ZNF782: variants seen among roughly 807,000 people sequenced by gnomAD.
ZNF782 encodes zinc finger protein 782.
Under a neutral mutation model 13.0 loss-of-function variants are expected in ZNF782, and 12 were observed. That is an observed-to-expected ratio of 0.92 (90% CI 0.59 to 1.50). The LOEUF is 1.50. ZNF782 is among the 40% of genes most tolerant of loss of function. The pLI, the probability that ZNF782 is intolerant of heterozygous loss-of-function variation, is 0.00. For missense variants in ZNF782, 770 were observed against 822.9 expected (o/e 0.94, Z 0.79); for synonymous variants, 284 against 283.0 (o/e 1.00, Z -0.04).
At chr9:96,879,899 A>T, upstream of ZNF782, among the ~76,000 whole-genome samples, 1 of 150,940 alleles carries the variant, frequency 6.6e-6, no homozygotes, top group East Asian at 2.0e-4. Context: ...ATTCCTTGGG[A>T]TTTTCTGTGT....
chr9:96,829,851 G>A (rs1481948412), intron 4 of ZNF782, among the ~76,000 whole-genome samples: 4 of 152,170 alleles, frequency 2.6e-5, no homozygotes, highest in African/African-American at 9.7e-5. Flanking sequence ...GAAATATGGA[G>A]TAGAGGTACT....
the ZNF782 span, among the ~76,000 whole-genome samples, chr9:96,923,878 T>C: frequency 1.3e-5 from 2 of 150,148 alleles, no homozygotes; most frequent in Non-Finnish European, 2.9e-5. Context: ...GTCTCGCTCC[T>C]GCCTTGAAGT....
intron 5 of ZNF782, among the ~76,000 whole-genome samples, chr9:96,823,330 T>C (rs540035001): frequency 1.3e-5 from 2 of 152,388 alleles, no homozygotes; most frequent in East Asian, 1.9e-4. Context: ...GGCTCTGGTA[T>C]GAAATCAAAG....
the ZNF782 span, among the ~76,000 whole-genome samples, chr9:96,886,394 T>C: frequency 1.3e-3 from 200 of 152,284 alleles, no homozygotes; most frequent in African/African-American, 4.6e-3. Flanking sequence ...TAAATGATAA[T>C]TGAGTGTTAA....
rs185767282 is a variant in ZNF782 at position 96,828,805 on chromosome 9, C to G, written c.143-1624G>C. On this transcript the variant is annotated intron_variant, in intron 4 of 5. Coordinates refer to ENST00000481138, the MANE Select transcript of ZNF782 (RefSeq NM_001001662.3). ...GCCAAAATTTCCTAATTTTAATGAC[C>G]TATATAAACCCTCAGATCCAAGAAG... Among the ~76,000 whole-genome samples, 171 of 151,896 alleles carry G rather than the reference C, an allele frequency of 1.1e-3. 1 individual carries two copies. The highest frequency in any genetic ancestry group is 5.7e-4 in the Non-Finnish European group (39 of 67,944).
intron 4 of ZNF782, among the ~76,000 whole-genome samples, chr9:96,843,857 G>C (rs1313862784): frequency 6.6e-6 from 1 of 152,094 alleles, no homozygotes; most frequent in African/African-American, 2.4e-5. Context: ...AGAAGCAAGA[G>C]ATGGCAAGAA....
At chr9:96,866,419 G>A (rs544979081) in intron 1 of ZNF782, among the ~76,000 whole-genome samples, 3 of 152,320 alleles carry the variant, frequency 2.0e-5, no homozygotes, top group Middle Eastern at 3.4e-3. Context: ...CAGGTGCACA[G>A]AAGTCAAGAA....
At chr9:96,849,691 C>T (rs12339149) in intron 3 of ZNF782, among the ~76,000 whole-genome samples, 3 of 152,114 alleles carry the variant, frequency 2.0e-5, no homozygotes, top group Non-Finnish European at 4.4e-5. Context: ...TAAAAAGCTT[C>T]TACACAGCAA....
chr9:96,922,493 C>T, the ZNF782 span, among the ~76,000 whole-genome samples: 3 of 152,292 alleles, frequency 2.0e-5, no homozygotes, highest in African/African-American at 7.2e-5. Flanking sequence ...CTAAAGAAGG[C>T]CAGGCACGGT....
At position 96,817,340 on chromosome 9, in the gene ZNF782, T is replaced by C. The variant is rs1423309675; in HGVS notation, c.*583A>G. On this transcript the variant is annotated 3_prime_UTR_variant, in exon 6 of 6. Coordinates refer to ENST00000481138, the MANE Select transcript of ZNF782 (RefSeq NM_001001662.3). ...TGATTACTAGTGAACATTTCAATAG[T>C]TATTATACGACATATAGGGATTACC... 6.6e-6 allele frequency: 1 copy of C among 152,254 alleles called. No homozygotes were observed. The highest frequency in any genetic ancestry group is 1.9e-4 in the East Asian group (1 of 5,196). The allele number at this position is 152,254 out of a possible 1,614,324, so 9.4% of individuals were successfully genotyped here. A position where few individuals can be genotyped will look rare whatever the true frequency, so the allele number is the denominator to read the frequency against.
chr9:96,834,854 T>C (rs1044563200), intron 4 of ZNF782, among the ~76,000 whole-genome samples: 8 of 150,308 alleles, frequency 5.3e-5, no homozygotes, highest in Non-Finnish European at 7.5e-5. Flanking sequence ...CTGGAAAAAT[T>C]TGGAGGGGCA....
the ZNF782 span, among the ~76,000 whole-genome samples, chr9:96,923,140 C>T: frequency 6.7e-6 from 1 of 148,194 alleles, no homozygotes; most frequent in Non-Finnish European, 1.5e-5. Flanking sequence ...GCACATAGCT[C>T]CACAAAACAT....
chr9:96,821,737 T>C (rs1337521450), intron 5 of ZNF782, among the ~76,000 whole-genome samples: 3 of 151,648 alleles, frequency 2.0e-5, no homozygotes, highest in African/African-American at 7.3e-5. Context: ...AGTGGTGCGA[T>C]CTCGGCTCAC....
the ZNF782 span, among the ~76,000 whole-genome samples, chr9:96,903,516 T>C: frequency 4.0e-5 from 6 of 150,752 alleles, no homozygotes; most frequent in Non-Finnish European, 4.4e-5. Flanking sequence ...ATACAAGTTT[T>C]CATGTGACCA....
intron 4 of ZNF782, among the ~76,000 whole-genome samples, chr9:96,842,030 A>G (rs914582856): frequency 9.9e-5 from 15 of 152,010 alleles, no homozygotes; most frequent in Admixed American, 9.2e-4. Context: ...ACATACAAAA[A>G]TCAATTACAT....
intron 4 of ZNF782, among the ~76,000 whole-genome samples, chr9:96,831,438 C>T (rs541627491): frequency 2.6e-5 from 4 of 152,028 alleles, no homozygotes; most frequent in Non-Finnish European, 5.9e-5. Context: ...GGCTGGGCGC[C>T]GTGGCTCACA....
chr9:96,884,058 C>T, the ZNF782 span, among the ~76,000 whole-genome samples: 749 of 152,348 alleles, frequency 4.9e-3, 6 homozygotes, highest in African/African-American at 0.017. Context: ...AAAAGCTGTA[C>T]TACCCTCTAC....
chr9:96,878,110 G>A (rs1339274634), upstream of ZNF782, among the ~76,000 whole-genome samples: 2 of 152,206 alleles, frequency 1.3e-5, no homozygotes, highest in Non-Finnish European at 2.9e-5. Flanking sequence ...GTGCAATGCT[G>A]CGATCTCAGC....
intron 1 of ZNF782, among the ~76,000 whole-genome samples, chr9:96,853,277 C>T (rs1851555683): frequency 6.6e-6 from 1 of 152,158 alleles, no homozygotes; most frequent in Admixed American, 6.5e-5. Flanking sequence ...GGAGGCTTCA[C>T]CAAGTCTGGC....
Sources: allele counts gnomAD v4.1 joint callset (sites outside exome capture counted in the v4.1 genomes callset), GRCh38; gene constraint gnomAD v4.1.1; transcripts MANE v1.5; gene names NCBI Gene and HGNC (gene_info 2026-07-23, HGNC 2026-07-21).